MAST4: variants seen among roughly 807,000 people sequenced by gnomAD.
The protein encoded by MAST4 is microtubule-associated serine/threonine-protein kinase 4.
MAST4 carries 89 observed loss-of-function variants against 162.7 expected under a neutral mutation model. The ratio of observed to expected loss-of-function variants is 0.55; its 90% CI spans 0.46 to 0.65. MAST4 has a LOEUF of 0.65. MAST4 is among the 30% of genes least tolerant of loss of function. MAST4 has a pLI of 0.00. For missense variants in MAST4, 3,153 were observed against 3,374.0 expected, an observed-to-expected ratio of 0.93 and a Z score of 1.62; for synonymous variants, 1,479 against 1,361.1, an observed-to-expected ratio of 1.09 and a Z score of -1.91.
At chr5:66,643,226 A>G (rs1490535850) in intron 1 of MAST4, among the ~76,000 whole-genome samples, 2 of 152,162 alleles carry the variant, frequency 1.3e-5, no homozygotes, top group African/African-American at 4.8e-5. Flanking sequence ...AATGTCGGGA[A>G]CCATATTTTC....
At chr5:66,927,980 A>G (rs541231531) in intron 4 of MAST4, among the ~76,000 whole-genome samples, 3 of 152,180 alleles carry the variant, frequency 2.0e-5, no homozygotes, top group African/African-American at 7.2e-5. Context: ...TCTTTACATG[A>G]CATTTCTCTG....
At chr5:67,028,041 G>T (rs1754873515) in intron 4 of MAST4, among the ~76,000 whole-genome samples, 1 of 152,096 alleles carries the variant, frequency 6.6e-6, no homozygotes, top group African/African-American at 2.4e-5. Context: ...TGTGGAGTTG[G>T]GTGTAGAGAC....
chr5:67,114,365 A>G, intron 12 of MAST4, 146 bp downstream of exon 12: 1 of 970,554 alleles, frequency 1.0e-6, no homozygotes, highest in Non-Finnish European at 1.5e-6. Context: ...TGCTATTTGA[A>G]GGAAATAGCC....
intron 3 of MAST4, among the ~76,000 whole-genome samples, chr5:66,872,035 A>G (rs890899139): frequency 2.6e-5 from 4 of 152,242 alleles, no homozygotes; most frequent in Admixed American, 2.6e-4. Context: ...GAGTATGCCA[A>G]TTAGCAAAAT....
rs540558160 is a variant in MAST4 at position 66,751,720 on chromosome 5, G to T, written c.364-7989G>T. On this transcript the variant is annotated intron_variant, in intron 1 of 28. Transcript: ENST00000403625. ...ATGGAACCAAGTTGGAAAACACTCTGCAGGATATTATCCAGGAGAACTTCC... is the reference window on the plus strand; with the variant it reads ...ATGGAACCAAGTTGGAAAACACTCTTCAGGATATTATCCAGGAGAACTTCC... Among the ~76,000 whole-genome samples, 4 of 150,592 alleles carry T rather than the reference G, an allele frequency of 2.7e-5. No individual in the cohort carries two copies. In the East Asian group the frequency reaches 5.8e-4, roughly 22 times the overall value.
At chr5:66,597,496 A>C (rs1742269240) in intron 1 of MAST4, among the ~76,000 whole-genome samples, 1 of 151,454 alleles carries the variant, frequency 6.6e-6, no homozygotes, top group Non-Finnish European at 1.5e-5. Flanking sequence ...TTGCCTGCGG[A>C]GGTTTCAGTG....
At chr5:66,919,814 G>A (rs1764374081) in intron 4 of MAST4, among the ~76,000 whole-genome samples, 1 of 152,060 alleles carries the variant, frequency 6.6e-6, no homozygotes, top group African/African-American at 2.4e-5. Context: ...AACATAACTG[G>A]ATGTCATGAT....
At chr5:66,742,620 T>C (rs910021580) in intron 1 of MAST4, among the ~76,000 whole-genome samples, 2 of 152,208 alleles carry the variant, frequency 1.3e-5, no homozygotes, top group Non-Finnish European at 2.9e-5. Flanking sequence ...TTTACTACAC[T>C]GTGGCTTCTG....
intron 4 of MAST4, among the ~76,000 whole-genome samples, chr5:67,045,677 T>C (rs78495886): frequency 2.0e-5 from 3 of 152,160 alleles, no homozygotes; most frequent in African/African-American, 2.4e-5. Context: ...GGGGCTAAGT[T>C]TGAGGATTGC....
Position 67,162,724 on chromosome 5 carries a change from C to A in MAST4, c.3903C>A (p.Pro1301=), listed in dbSNP as rs770766065. The change falls in exon 28 of 29, where the codon CCC becomes CCA. Residue 1301 remains proline (P), a synonymous_variant. Transcript: ENST00000403625. ...LSSGESLPGS[P]THSLSPRSPT... is the part of the protein sequence containing the mutation. ...CGGGTGAGAGCCTCCCAGGTTCCCC[C>A]ACTCATAGCTTGTCTCCCCGGTCTC... 82 of 1,613,876 alleles carry A rather than the reference C, an allele frequency of 5.1e-5. 1 individual carries two copies. The South Asian group carries it at 8.5e-4, about 17-fold the overall frequency.
At chr5:66,938,197 T>C (rs1742970976) in intron 4 of MAST4, among the ~76,000 whole-genome samples, 1 of 152,174 alleles carries the variant, frequency 6.6e-6, no homozygotes, top group Non-Finnish European at 1.5e-5. Flanking sequence ...CATTACATAA[T>C]GATTATGGTA....
intron 4 of MAST4, among the ~76,000 whole-genome samples, chr5:66,922,151 G>A (rs1015063039): frequency 6.6e-6 from 1 of 152,190 alleles, no homozygotes; most frequent in African/African-American, 2.4e-5. Context: ...AAGAGAAGAT[G>A]CAGTTCTTTT....
chr5:66,732,640 TTGTTCTTTGAATGAAAAAC>T (rs1187516893), intron 1 of MAST4, among the ~76,000 whole-genome samples: 1 of 152,222 alleles, frequency 6.6e-6, no homozygotes. Context: ...CAATCAACAT[TTGTTCTTTGAATGAAAAAC>T]TGAACAGATG....
chr5:66,823,978 T>C lies in MAST4; in HGVS notation c.642+35184T>C, dbSNP rs1022753628. ...ATCATCTGTTTCTCCTTTGTAATCT[T>C]TTATGAGCTAATACAACATATTCAT... On this transcript the variant is annotated intron_variant, in intron 3 of 28. Coordinates refer to ENST00000403625, the MANE Select transcript of MAST4 (RefSeq NM_001164664.2). 4.6e-5 allele frequency among the ~76,000 whole-genome samples: 7 copies of C among 152,190 alleles called. No homozygotes were observed. In the East Asian group the frequency reaches 1.2e-3, roughly 25 times the overall value.
At chr5:67,115,330 G>C (rs1766768214) in intron 12 of MAST4, among the ~76,000 whole-genome samples, 1 of 152,154 alleles carries the variant, frequency 6.6e-6, no homozygotes, top group African/African-American at 2.4e-5. Context: ...TGTTTATCTT[G>C]TTAAATTGTT....
At chr5:67,107,937 T>C (rs1765780744) in intron 10 of MAST4, among the ~76,000 whole-genome samples, 1 of 152,218 alleles carries the variant, frequency 6.6e-6, no homozygotes, top group African/African-American at 2.4e-5. Flanking sequence ...CGTTAGTGTT[T>C]CCCCTTTGGA....
intron 19 of MAST4, among the ~76,000 whole-genome samples, chr5:67,140,987 C>T (rs567278510): frequency 6.6e-6 from 1 of 152,276 alleles, no homozygotes; most frequent in Admixed American, 6.5e-5. Flanking sequence ...CACCAATTTG[C>T]CCTGGCTGGG....
At chr5:66,715,176 C>G (rs1750740179) in intron 1 of MAST4, among the ~76,000 whole-genome samples, 1 of 152,110 alleles carries the variant, frequency 6.6e-6, no homozygotes, top group Admixed American at 6.5e-5. Flanking sequence ...CTCATCATGT[C>G]ATGTAGTCAC....
intron 3 of MAST4, among the ~76,000 whole-genome samples, chr5:66,805,347 A>G (rs1019671533): frequency 1.1e-4 from 17 of 152,196 alleles, no homozygotes; most frequent in East Asian, 1.9e-4. Context: ...TTTGTGTCAC[A>G]TCATAAAATT....
Sources: gnomAD v4.1 joint callset for allele counts (sites outside exome capture counted in the v4.1 genomes callset) on GRCh38, gnomAD v4.1.1 for gene constraint, MANE v1.5 for transcripts, NCBI Gene and HGNC (gene_info 2026-07-23, HGNC 2026-07-21) for gene names.